Variants in RGS3 observed in about 807,000 individuals in gnomAD.
RGS3 encodes regulator of G protein signaling 3, also known as regulator of G-protein signalling 3.
RGS3 carries 80 observed loss-of-function variants against 132.6 expected under a neutral mutation model. The ratio of observed to expected loss-of-function variants is 0.60; its 90% CI spans 0.50 to 0.73. RGS3 has a LOEUF of 0.73. Ranked by LOEUF, RGS3 falls within the 30% of genes least tolerant of loss-of-function variation. RGS3 has a pLI of 0.00. For synonymous variants in RGS3, 598 were observed against 620.6 expected (o/e 0.96, Z 0.54); for missense variants, 1,382 against 1,530.8 (o/e 0.90, Z 1.62).
intron 3 of RGS3, among the ~76,000 whole-genome samples, chr9:113,476,076 T>C (rs1380395737): frequency 6.6e-6 from 1 of 152,168 alleles, no homozygotes; most frequent in Non-Finnish European, 1.5e-5. Flanking sequence ...CAGCTGGGAC[T>C]ATAGGATGTG....
chr9:113,508,407 C>T, intron 13 of RGS3, 134 bp from the exon 12 acceptor site: 1 of 816,688 alleles, frequency 1.2e-6, no homozygotes. Context: ...AGCTGGTTAC[C>T]AGAACTGCTG....
At position 113,565,097 on chromosome 9, in the gene RGS3, C is replaced by T. The variant is rs1833935019; in HGVS notation, c.2038-18353C>T. 1 of 1,162,042 alleles carries T rather than the reference C, an allele frequency of 8.6e-7. No homozygotes were observed. The highest frequency in any genetic ancestry group is 1.6e-5 in the African/African-American group (1 of 61,644). The allele number at this position is 1,162,042 out of a possible 1,614,324, so 72.0% of individuals were successfully genotyped here. ...CGTTGTGAGGGATGGACGCCTCTCC[C>T]CCGGAGCAGCACTTTGGGGCCAGCT... On this transcript the variant is annotated intron_variant, in intron 19 of 24. Transcript: ENST00000350696. This position sits in a 1 kb window ranked among gnomAD's most constrained non-coding sequence, Gnocchi z 5.7.
chr9:113,597,031 C>A, exon 25 of RGS3: 1 of 1,304,848 alleles, frequency 7.7e-7, no homozygotes, highest in Non-Finnish European at 1.1e-6. Flanking sequence ...CCCCCTGTGA[C>A]GGAGGGGGCA....
At chr9:113,453,209 T>TATATGATTACATAATATACTC (rs1564437983) in intron 1 of RGS3, among the ~76,000 whole-genome samples, 12 of 114,526 alleles carry the variant, frequency 1.0e-4, no homozygotes, top group Non-Finnish European at 1.5e-4. Context: ...ATATACTCAT[T>TATATGATTACATAATATACTC]ATATGATTAC....
At chr9:113,479,568 C>T (rs756925551) in intron 4 of RGS3, 27 bp downstream of exon 2, 1 of 1,612,632 alleles carries the variant, frequency 6.2e-7, no homozygotes. Flanking sequence ...GCAGGCTCAC[C>T]AAGGAAGGGG....
Position 113,462,123 on chromosome 9 carries a change from G to A in RGS3, c.337G>A (p.Ala113Thr), listed in dbSNP as rs200107669. The A allele has an allele frequency of 6.6e-5, 106 of 1,614,092 alleles. No homozygotes were observed. The Admixed American group carries it at 1.6e-3, about 24-fold the overall frequency. The change falls in exon 3 of 25, where the codon GCT becomes ACT. Residue 113 changes from alanine (A) to threonine (T), a missense_variant. Ala to Thr is a moderately conservative substitution (Grantham distance 58, BLOSUM62 0). Transcript: ENST00000350696. ...GATGGAGTGGCTAAGCCCTGATATC[G>A]CTCTGCCCAGAAGAGATGAGTGGAC... is the stretch of plus-strand genomic sequence containing the variant.
intron 19 of RGS3, among the ~76,000 whole-genome samples, chr9:113,539,813 A>G (rs557576100): frequency 6.6e-6 from 1 of 152,364 alleles, no homozygotes; most frequent in East Asian, 1.9e-4. Context: ...AGTGCAATTT[A>G]CCTTGAAGAT....
intron 19 of RGS3, among the ~76,000 whole-genome samples, chr9:113,578,142 G>A (rs994699524): frequency 2.0e-5 from 3 of 152,220 alleles, no homozygotes; most frequent in Admixed American, 6.5e-5. Flanking sequence ...GAGTGGACAG[G>A]ACTGTGATGA....
chr9:113,510,023 T>A (rs1036604796), intron 14 of RGS3, among the ~76,000 whole-genome samples: 1 of 152,220 alleles, frequency 6.6e-6, no homozygotes, highest in African/African-American at 2.4e-5. Context: ...TGTGAGATTT[T>A]GGTGCACCCA....
intron 1 of RGS3, among the ~76,000 whole-genome samples, chr9:113,450,932 C>G (rs368019374): frequency 6.6e-6 from 1 of 152,132 alleles, no homozygotes; most frequent in Non-Finnish European, 1.5e-5. Flanking sequence ...GTAATCCCAG[C>G]ACTTTGGGAG....
chr9:113,459,814 A>T (rs1258206100), upstream of RGS3, among the ~76,000 whole-genome samples: 1 of 152,068 alleles, frequency 6.6e-6, no homozygotes, highest in Non-Finnish European at 1.5e-5. Context: ...TGAGGTGGGC[A>T]GATCACCTGA....
At chr9:113,462,694 T>G (rs902409570) in intron 3 of RGS3, among the ~76,000 whole-genome samples, 5 of 152,222 alleles carry the variant, frequency 3.3e-5, no homozygotes, top group Non-Finnish European at 7.3e-5. Flanking sequence ...ACTGAGATGA[T>G]GTGTGTAAAT....
intron 20 of RGS3, among the ~76,000 whole-genome samples, chr9:113,586,144 T>G (rs1835108060): frequency 6.6e-6 from 1 of 152,202 alleles, no homozygotes; most frequent in Admixed American, 6.5e-5. Flanking sequence ...TTAGGCCATT[T>G]CTTGATGGTT....
Position 113,537,705 on chromosome 9 carries a change from A to G in RGS3, c.2037+787A>G, listed in dbSNP as rs2118617515. Among the ~76,000 whole-genome samples the G allele has an allele frequency of 6.6e-6, 1 of 152,274 alleles. No homozygotes were observed. Among genetic ancestry groups the G allele is most frequent in the Non-Finnish European group, 1.5e-5 (1 of 68,014 alleles). On this transcript the variant is annotated intron_variant, in intron 19 of 24. Transcript: ENST00000350696. The surrounding 1 kb of genome is among the most constrained non-coding windows in gnomAD (Gnocchi z 4.3). ...TGCTGGATCTGGGCGAAGAGGAGAG[A>G]TGAAAGAAAGCTGCAGCCTGTAACT...
chr9:113,562,869 A>C (rs978760551), intron 19 of RGS3, among the ~76,000 whole-genome samples: 1 of 152,146 alleles, frequency 6.6e-6, no homozygotes, highest in Non-Finnish European at 1.5e-5. Context: ...AGTTTCACTG[A>C]CTGTAAATGG....
At chr9:113,590,938 T>C (rs1445461147) in intron 20 of RGS3, among the ~76,000 whole-genome samples, 2 of 152,222 alleles carry the variant, frequency 1.3e-5, no homozygotes, top group African/African-American at 4.8e-5. Context: ...GACTTAATCA[T>C]TATGATCCTG....
chr9:113,597,188 C>T (rs1418470263), exon 25 of RGS3: 1 of 456,606 alleles, frequency 2.2e-6, no homozygotes, highest in Non-Finnish European at 3.9e-6. Context: ...GCCCAAGACC[C>T]TGGCAGGTCA....
chr9:113,534,254 C>T (rs1832591405), intron 18 of RGS3, among the ~76,000 whole-genome samples: 1 of 152,206 alleles, frequency 6.6e-6, no homozygotes, highest in Admixed American at 6.5e-5. Flanking sequence ...ACCGTTCATG[C>T]CTTAGCTTGT....
intron 3 of RGS3, among the ~76,000 whole-genome samples, chr9:113,467,770 A>G (rs113156737): frequency 0.014 from 2,081 of 152,162 alleles, 42 homozygotes; most frequent in African/African-American, 0.048. Context: ...CAGTGGCATG[A>G]TCATGGCTCC....
Sources: allele counts gnomAD v4.1 joint callset (sites outside exome capture counted in the v4.1 genomes callset), GRCh38; gene constraint gnomAD v4.1.1; non-coding constraint Gnocchi (gnomAD v3.1); transcripts MANE v1.5; gene names NCBI Gene and HGNC (gene_info 2026-07-23, HGNC 2026-07-21).